Variants in RBKS observed in about 807,000 individuals in gnomAD.
RBKS encodes the protein ribokinase.
A neutral mutation model predicts 33.9 loss-of-function variants in RBKS; 33 were observed. The observed-to-expected ratio is 0.97, with a 90% CI of 0.74 to 1.30. RBKS has a LOEUF of 1.30. RBKS is among the 50% of genes most tolerant of loss of function. The pLI, the probability that RBKS is intolerant of heterozygous loss-of-function variation, is 0.00. For synonymous variants in RBKS, 125 were observed against 143.0 expected, an observed-to-expected ratio of 0.87 and a Z score of 0.90; for missense variants, 361 against 392.6, an observed-to-expected ratio of 0.92 and a Z score of 0.68.
chr2:27,820,005 C>T (rs530092646), intron 7 of RBKS, among the ~76,000 whole-genome samples: 13 of 152,272 alleles, frequency 8.5e-5, no homozygotes, highest in South Asian at 2.1e-4. Context: ...GTTTATCCTA[C>T]GTCAAGGGGC....
At chr2:27,884,627 A>C (rs1234271293) in intron 1 of RBKS, among the ~76,000 whole-genome samples, 1 of 151,976 alleles carries the variant, frequency 6.6e-6, no homozygotes, top group Non-Finnish European at 1.5e-5. Flanking sequence ...CACTTATTCC[A>C]CTATCCAATT....
chr2:27,781,872 CTTAATT>C (rs754887222), intron 7 of RBKS, 84 bp from the exon 8 acceptor site: 144 of 1,237,772 alleles, frequency 1.2e-4, no homozygotes, highest in Admixed American at 3.8e-4. Context: ...TTTAAGTAAA[CTTAATT>C]TTAGTTTTAG....
chr2:27,791,486 A>C (rs1359361133), intron 7 of RBKS, among the ~76,000 whole-genome samples: 2 of 151,914 alleles, frequency 1.3e-5, no homozygotes, highest in Non-Finnish European at 2.9e-5. Flanking sequence ...CCCTCAGCAC[A>C]CTAACTGGGA....
chr2:27,869,470 G>C (rs1437940047), intron 1 of RBKS, among the ~76,000 whole-genome samples: 1 of 152,180 alleles, frequency 6.6e-6, no homozygotes, highest in East Asian at 1.9e-4. Context: ...TAAGCTTAAT[G>C]TTCTGTGGTA....
chr2:27,844,144 C>T (rs1663569545), intron 4 of RBKS, among the ~76,000 whole-genome samples: 1 of 151,702 alleles, frequency 6.6e-6, no homozygotes, highest in Non-Finnish European at 1.5e-5. Context: ...CCTGCAGTCG[C>T]AGCTACTTAG....
intron 7 of RBKS, among the ~76,000 whole-genome samples, chr2:27,815,944 T>G (rs1471054152): frequency 6.6e-6 from 1 of 152,204 alleles, no homozygotes; most frequent in Non-Finnish European, 1.5e-5. Context: ...CCACTTCTAC[T>G]ACCATATTCC....
chr2:27,864,171 G>A (rs981344011), intron 1 of RBKS, among the ~76,000 whole-genome samples: 2 of 151,444 alleles, frequency 1.3e-5, no homozygotes, highest in African/African-American at 4.9e-5. Flanking sequence ...GGACTACGGG[G>A]GCACACAACC....
chr2:27,789,951 A>ATATATATATGTATATGTG (rs1677485533), intron 7 of RBKS, among the ~76,000 whole-genome samples: 1 of 111,400 alleles, frequency 9.0e-6, no homozygotes, highest in Non-Finnish European at 1.9e-5. Context: ...GTATATGTGT[A>ATATATATATGTATATGTG]TATATATATA....
intron 7 of RBKS, among the ~76,000 whole-genome samples, chr2:27,806,607 G>C (rs1170882852): frequency 1.3e-5 from 2 of 152,192 alleles, no homozygotes; most frequent in Non-Finnish European, 1.5e-5. Flanking sequence ...GGAACACCTT[G>C]GTTAAATCCC....
chr2:27,787,373 C>T (rs1383100064), intron 7 of RBKS, among the ~76,000 whole-genome samples: 1 of 152,122 alleles, frequency 6.6e-6, no homozygotes, highest in East Asian at 1.9e-4. Context: ...GTCAAGCCCG[C>T]AGTGAGCCGT....
chr2:27,847,775 C>A (rs1455554302), intron 3 of RBKS, among the ~76,000 whole-genome samples: 1 of 152,224 alleles, frequency 6.6e-6, no homozygotes, highest in Non-Finnish European at 1.5e-5. Context: ...GTGAATGCAG[C>A]ACCTTTTTCT....
chr2:27,855,601 A>C (rs1663844031), intron 2 of RBKS, among the ~76,000 whole-genome samples: 1 of 152,218 alleles, frequency 6.6e-6, no homozygotes, highest in Non-Finnish European at 1.5e-5. Flanking sequence ...CATTTTATAC[A>C]ATATCTGCCA....
intron 7 of RBKS, among the ~76,000 whole-genome samples, chr2:27,783,831 C>G (rs1401277038): frequency 6.9e-6 from 1 of 145,172 alleles, no homozygotes. Flanking sequence ...GGCCTGAACC[C>G]GGGAGGTGGA....
intron 7 of RBKS, among the ~76,000 whole-genome samples, chr2:27,817,794 A>T (rs1678127160): frequency 6.6e-6 from 1 of 152,222 alleles, no homozygotes; most frequent in Non-Finnish European, 1.5e-5. Flanking sequence ...CCATGGCTGC[A>T]GGTGAGATAG....
chr2:27,882,959 G>C (rs1446346436), intron 1 of RBKS, among the ~76,000 whole-genome samples: 3 of 151,758 alleles, frequency 2.0e-5, no homozygotes, highest in Non-Finnish European at 4.4e-5. Context: ...AAGAGGATCA[G>C]GAAAAATAAC....
intron 7 of RBKS, among the ~76,000 whole-genome samples, chr2:27,800,141 C>T (rs1677747136): frequency 6.6e-6 from 1 of 150,910 alleles, no homozygotes. Flanking sequence ...CAGCCTCAAC[C>T]TCCTGGGCCC....
At chr2:27,870,586 G>A (rs546682882) in intron 1 of RBKS, 6 of 361,248 alleles carry the variant, frequency 1.7e-5, no homozygotes, top group East Asian at 7.4e-5. Flanking sequence ...GTACTTTAAC[G>A]TGGTTGATAA....
intron 7 of RBKS, among the ~76,000 whole-genome samples, chr2:27,819,978 G>A (rs914928854): frequency 2.0e-5 from 3 of 152,196 alleles, no homozygotes; most frequent in Non-Finnish European, 4.4e-5. Flanking sequence ...TTGGCACTAG[G>A]AGTCCATCCA....
chr2:27,885,603 G>A (rs539759898), intron 1 of RBKS, among the ~76,000 whole-genome samples: 5 of 151,734 alleles, frequency 3.3e-5, no homozygotes, highest in Non-Finnish European at 7.4e-5. Flanking sequence ...CCTCCTTTAG[G>A]TCTTTACTCT....
Sources: gnomAD v4.1 joint callset for allele counts (sites outside exome capture counted in the v4.1 genomes callset) on GRCh38, gnomAD v4.1.1 for gene constraint, MANE v1.5 for transcripts, NCBI Gene and HGNC (gene_info 2026-07-23, HGNC 2026-07-21) for gene names.